Variants in C3orf20 observed in about 807,000 individuals in gnomAD.
C3orf20 encodes the protein uncharacterized protein C3orf20.
In C3orf20, 76 loss-of-function variants were observed where a neutral mutation model predicts 88.3. The observed-to-expected ratio is 0.86, with a 90% confidence interval of 0.72 to 1.04. The LOEUF (loss-of-function observed/expected upper bound fraction) is 1.04, where lower values mean the gene tolerates loss of function less well. Ranked by LOEUF, C3orf20 falls within the 50% of genes least tolerant of loss-of-function variation. The probability of loss-of-function intolerance (pLI) is 0.00; values close to 1 mark genes in which losing one functional copy is unlikely to be tolerated. For synonymous variants in C3orf20, 436 were observed against 437.4 expected (o/e 1.00, Z 0.04); for missense variants, 1,056 against 1,123.3 (o/e 0.94, Z 0.86).
chr3:14,757,011 G>T (rs780979044), intron 12 of C3orf20, among the ~76,000 whole-genome samples: 1 of 152,198 alleles, frequency 6.6e-6, no homozygotes, highest in African/African-American at 2.4e-5. Flanking sequence ...ATCCGTGGGG[G>T]TGGAGGGGAG....
chr3:14,772,884 T>G lies in C3orf20; in HGVS notation c.*9T>G, dbSNP rs752746658. ...AGGCCTCCAAGAAGTAGCGCCATCC[T>G]GGCAGCAGCCAAGTGAGCCAGGCCC... On this transcript the variant is annotated 3_prime_UTR_variant, in exon 17 of 17. Coordinates refer to ENST00000253697, the MANE Select transcript of C3orf20 (RefSeq NM_032137.5). This position sits in a 1 kb window ranked among gnomAD's most constrained non-coding sequence, Gnocchi z 4.2. 9 of 1,612,180 alleles carry G rather than the reference T, an allele frequency of 5.6e-6. No individual in the cohort carries two copies. The South Asian group carries it at 9.9e-5, about 18-fold the overall frequency.
intron 14 of C3orf20, 115 bp from the exon 15 acceptor site, chr3:14,761,358 G>C: frequency 8.0e-7 from 1 of 1,257,366 alleles, no homozygotes; most frequent in Non-Finnish European, 1.1e-6. Flanking sequence ...CACGGCGTAA[G>C]CTCTGAGAGG....
chr3:14,717,433 CA>C (rs1206463734), intron 9 of C3orf20, among the ~76,000 whole-genome samples: 2 of 151,784 alleles, frequency 1.3e-5, no homozygotes, highest in Non-Finnish European at 2.9e-5. Context: ...GAGGAGGAGG[CA>C]AAAATCTTCT....
At position 14,772,197 on chromosome 3, in the gene C3orf20, G is replaced by A. The variant is rs2035877306; in HGVS notation, c.2626G>A (p.Glu876Lys). The change falls in exon 16 of 17, where the codon GAG becomes AAG. Residue 876 changes from glutamate (E) to lysine (K), a missense_variant. Transcript: ENST00000253697. This position sits in a 1 kb window ranked among gnomAD's most constrained non-coding sequence, Gnocchi z 4.2. Reference protein sequence around the residue: ...YVEKELSLEAEKTREPEVELH... With the variant: ...YVEKELSLEAKKTREPEVELH... ...GGAGAAGGAGTTATCTCTGGAGGCTGAGAAGTAGGTGACCACATCAGCTGC... is the reference window on the plus strand; with the variant it reads ...GGAGAAGGAGTTATCTCTGGAGGCTAAGAAGTAGGTGACCACATCAGCTGC... The A allele has an allele frequency of 6.2e-7, 1 of 1,614,150 alleles. No homozygotes were observed. The highest frequency in any genetic ancestry group is 1.3e-5 in the African/African-American group (1 of 74,962).
chr3:14,676,104 C>A (rs2031752172), intron 1 of C3orf20, among the ~76,000 whole-genome samples: 1 of 144,826 alleles, frequency 6.9e-6, no homozygotes, highest in Non-Finnish European at 1.5e-5. Flanking sequence ...ATTCCTTCCC[C>A]CTCCCCCCCG....
intron 1 of C3orf20, among the ~76,000 whole-genome samples, chr3:14,676,357 A>G (rs2031770823): frequency 6.6e-6 from 1 of 152,116 alleles, no homozygotes; most frequent in Non-Finnish European, 1.5e-5. Flanking sequence ...CCTTTTCCTT[A>G]AAAAGAAAAG....
intron 7 of C3orf20, among the ~76,000 whole-genome samples, chr3:14,707,446 TGTGTGTG>T (rs1229945185): frequency 2.8e-4 from 1 of 3,576 alleles, no homozygotes; most frequent in African/African-American, 2.9e-3. Flanking sequence ...CATCTTTTCT[TGTGTGTG>T]TGTGTGTGTG....
chr3:14,675,210 G>A lies in C3orf20; in HGVS notation c.-341G>A, dbSNP rs1195353686. 3 of 152,274 alleles carry A rather than the reference G, an allele frequency of 2.0e-5. No individual in the cohort carries two copies. Among genetic ancestry groups the A allele is most frequent in the East Asian group, 1.9e-4 (1 of 5,188 alleles). 9.4% of individuals were successfully genotyped at this position (152,274 alleles called of 1,614,324 possible). On this transcript the variant is annotated 5_prime_UTR_variant, in exon 1 of 17. Transcript: ENST00000253697. Reference sequence around the variant, plus strand: ...TTAAGTCAGTAAATTGAACTAAGTCGGTTATTCGGCAAGCAGTTCCTATAA... The same window carrying A: ...TTAAGTCAGTAAATTGAACTAAGTCAGTTATTCGGCAAGCAGTTCCTATAA...
At chr3:14,681,783 G>A (rs1329057576) in intron 1 of C3orf20, among the ~76,000 whole-genome samples, 1 of 152,202 alleles carries the variant, frequency 6.6e-6, no homozygotes, top group East Asian at 1.9e-4. Flanking sequence ...AACTCTGCCA[G>A]TGTATTTACA....
In C3orf20 at chr3:14,744,789, C is replaced by G. The variant is rs373336761; in HGVS notation, c.1941-12582C>G. ...ATCTCATGAGATTTATTCACTGTCA[C>G]GAGAATAGCATGGGAAAGACCAGCC... On this transcript the variant is annotated intron_variant, in intron 12 of 16. Coordinates refer to ENST00000253697, the MANE Select transcript of C3orf20 (RefSeq NM_032137.5). Among the ~76,000 whole-genome samples the G allele has an allele frequency of 5.7e-3, 857 of 151,680 alleles. 1 individual carries two copies. The highest frequency in any genetic ancestry group is 0.02 in the African/African-American group (811 of 40,980).
At chr3:14,743,876 A>G (rs1466112729) in intron 12 of C3orf20, among the ~76,000 whole-genome samples, 1 of 152,028 alleles carries the variant, frequency 6.6e-6, no homozygotes, top group Non-Finnish European at 1.5e-5. Context: ...CCTAAGCTGC[A>G]CACAGCATGG....
intron 7 of C3orf20, 107 bp from the exon 8 acceptor site, chr3:14,713,900 G>A: frequency 8.2e-7 from 1 of 1,215,900 alleles, no homozygotes; most frequent in Admixed American, 2.3e-5. Flanking sequence ...GATGGAGAAT[G>A]ATGCACCAAA....
chr3:14,698,749 C>T (rs1018576103), intron 5 of C3orf20, among the ~76,000 whole-genome samples: 1 of 152,130 alleles, frequency 6.6e-6, no homozygotes, highest in Non-Finnish European at 1.5e-5. Flanking sequence ...GGGTCTTGCC[C>T]AAGACCTGCT....
chr3:14,711,847 A>G (rs1220164890), intron 7 of C3orf20, among the ~76,000 whole-genome samples: 2 of 151,884 alleles, frequency 1.3e-5, no homozygotes, highest in African/African-American at 4.8e-5. Context: ...TTTGTTTTCT[A>G]TATGTCGTAT....
chr3:14,676,144 G>A (rs2124866142), intron 1 of C3orf20, among the ~76,000 whole-genome samples: 2 of 129,294 alleles, frequency 1.5e-5, no homozygotes, highest in South Asian at 2.4e-4. Context: ...TATTCCCTGC[G>A]GTTGAACAGA....
intron 1 of C3orf20, among the ~76,000 whole-genome samples, chr3:14,680,891 T>C (rs561834221): frequency 5.3e-5 from 8 of 152,376 alleles, no homozygotes; most frequent in Non-Finnish European, 1.2e-4. Flanking sequence ...GTGGTTTCTT[T>C]GTCCTGTGGA....
chr3:14,757,698 G>GC, intron 13 of C3orf20, 24 bp downstream of exon 13: 1 of 1,595,398 alleles, frequency 6.3e-7, no homozygotes, highest in Non-Finnish European at 8.6e-7. Flanking sequence ...CAGTGAGGAG[G>GC]CCCTGGAGGC....
intron 12 of C3orf20, among the ~76,000 whole-genome samples, chr3:14,736,386 G>A (rs573665735): frequency 6.6e-6 from 1 of 151,930 alleles, no homozygotes; most frequent in Non-Finnish European, 1.5e-5. Flanking sequence ...TGCTTCCTGG[G>A]TTCAAGCGAT....
At chr3:14,771,782 A>G (rs995484087) in intron 15 of C3orf20, among the ~76,000 whole-genome samples, 1 of 152,170 alleles carries the variant, frequency 6.6e-6, no homozygotes, top group East Asian at 1.9e-4. Flanking sequence ...TCCTGTGGTC[A>G]CTTACGGAGC....
Sources: gnomAD v4.1 joint callset for allele counts (sites outside exome capture counted in the v4.1 genomes callset) on GRCh38, gnomAD v4.1.1 for gene constraint, Gnocchi (gnomAD v3.1) non-coding constraint, MANE v1.5 for transcripts, NCBI Gene and HGNC (gene_info 2026-07-23, HGNC 2026-07-21) for gene names.